Variants in N4BP2L1 observed in about 807,000 individuals in gnomAD.
N4BP2L1 encodes the protein NEDD4 binding protein 2 like 1.
N4BP2L1 carries 12 observed loss-of-function variants against 21.2 expected under a neutral mutation model. That is an observed-to-expected ratio of 0.57 (90% CI 0.36 to 0.92). The LOEUF is 0.92. N4BP2L1 is among the 40% of genes least tolerant of loss of function. The probability of loss-of-function intolerance (pLI) is 0.01; values close to 1 mark genes in which losing one functional copy is unlikely to be tolerated. For missense variants in N4BP2L1, 259 were observed against 310.6 expected, an observed-to-expected ratio of 0.83 and a Z score of 1.25; for synonymous variants, 104 against 112.8, an observed-to-expected ratio of 0.92 and a Z score of 0.49.
intron 1 of N4BP2L1, among the ~76,000 whole-genome samples, chr13:32,427,095 T>C (rs2074809497): frequency 6.6e-6 from 1 of 152,088 alleles, no homozygotes; most frequent in South Asian, 2.1e-4. Context: ...CCTAGCAAGG[T>C]GGCCACAGGC....
At chr13:32,413,178 G>A (rs1258282390) in intron 1 of N4BP2L1, among the ~76,000 whole-genome samples, 1 of 152,048 alleles carries the variant, frequency 6.6e-6, no homozygotes, top group Non-Finnish European at 1.5e-5. Context: ...CACCTGCCTC[G>A]GCCTCCCAAA....
intron 3 of N4BP2L1, among the ~76,000 whole-genome samples, chr13:32,405,989 A>C (rs12858735): frequency 1.6e-5 from 2 of 122,710 alleles, no homozygotes; most frequent in East Asian, 2.4e-4. Flanking sequence ...TGCAAGCTCC[A>C]CCTCCCGGGT....
At chr13:32,407,848 C>A in intron 1 of N4BP2L1, 76 bp from the exon 2 acceptor site, 1 of 1,463,126 alleles carries the variant, frequency 6.8e-7, no homozygotes, top group Non-Finnish European at 9.2e-7. Flanking sequence ...CTCCTTCCAT[C>A]TCTAACATTT....
intron 1 of N4BP2L1, among the ~76,000 whole-genome samples, chr13:32,421,156 G>GTACA (rs1453532956): frequency 2.0e-5 from 3 of 152,216 alleles, no homozygotes; most frequent in Non-Finnish European, 4.4e-5. Context: ...GGCCTGTGAT[G>GTACA]TGCCTGGCCT....
chr13:32,414,296 TTAAC>T (rs1158501919), intron 1 of N4BP2L1, among the ~76,000 whole-genome samples: 1 of 152,222 alleles, frequency 6.6e-6, no homozygotes, highest in Non-Finnish European at 1.5e-5. Flanking sequence ...AACATAATGC[TTAAC>T]TAATAATTTA....
chr13:32,402,278 C>T lies in N4BP2L1; in HGVS notation c.*664G>A. 2 of 676,778 alleles carry T rather than the reference C, an allele frequency of 3.0e-6. No homozygotes were observed. Among genetic ancestry groups the T allele is most frequent in the African/African-American group, 2.0e-5 (1 of 50,852 alleles). The allele number at this position is 676,778 out of a possible 1,614,324, so 41.9% of individuals were successfully genotyped here. ...CAAGGCGTGACTTTAAATAATGACA[C>T]TGATTTCCCTCAGTAGCTCCTGTAG... On this transcript the variant is annotated 3_prime_UTR_variant, in exon 5 of 5. Transcript: ENST00000380130.
At position 32,427,887 on chromosome 13, in the gene N4BP2L1, C is replaced by T; in HGVS notation, c.179+17G>A. On this transcript the variant is annotated intron_variant, in intron 1 of 4. Coordinates refer to ENST00000380130, the MANE Select transcript of N4BP2L1 (RefSeq NM_052818.3). ...GGCCCCGGGCCCGTGCACCGGCGCC[C>T]AGACCGCTGTCATTACCTGGCCAGT... The T allele has an allele frequency of 6.9e-7, 1 of 1,454,420 alleles. No homozygotes were observed. The allele number at this position is 1,454,420 out of a possible 1,614,324, so 90.1% of individuals were successfully genotyped here.
At chr13:32,417,879 G>A (rs58474219) in intron 1 of N4BP2L1, among the ~76,000 whole-genome samples, 9,918 of 152,200 alleles carry the variant, frequency 0.065, 1,055 homozygotes, top group African/African-American at 0.22. Context: ...ATCCACATGT[G>A]GAACTTTGAA....
At position 32,407,666 on chromosome 13, in the gene N4BP2L1, G is replaced by C. The variant is rs768095568; in HGVS notation, c.286C>G (p.His96Asp). The change falls in exon 2 of 5, where the codon CAT (histidine) becomes GAT (aspartate). Residue 96 changes from histidine (H) to aspartate (D), a missense_variant. Around this residue, in one of 3 missense-constraint regions of N4BP2L1, gnomAD observed 91 missense variants for 148.1 expected, o/e 0.61. Coordinates refer to ENST00000380130, the MANE Select transcript of N4BP2L1 (RefSeq NM_052818.3). ...EFNPDFLEEA[H>D]EWNQKRARKA... Reference sequence around the variant, plus strand: ...TCACCTCTTTTTTGGTTCCATTCATGAGCTTCCTCCAGGAAGTCAGGATTG... The same window carrying C: ...TCACCTCTTTTTTGGTTCCATTCATCAGCTTCCTCCAGGAAGTCAGGATTG... The C allele has an allele frequency of 6.2e-7, 1 of 1,613,784 alleles. No homozygotes were observed. Among genetic ancestry groups the C allele is most frequent in the Non-Finnish European group, 8.5e-7 (1 of 1,180,010 alleles).
chr13:32,412,044 T>C (rs1459786508), intron 1 of N4BP2L1: 1 of 152,280 alleles, frequency 6.6e-6, no homozygotes, highest in African/African-American at 2.4e-5. Context: ...GTCTCATCAG[T>C]GTTTTCCTCC....
chr13:32,429,313 C>T (rs1462100147), upstream of N4BP2L1, among the ~76,000 whole-genome samples: 2 of 152,220 alleles, frequency 1.3e-5, no homozygotes, highest in African/African-American at 4.8e-5. Flanking sequence ...GCTGCTCTCC[C>T]TTGAAAATCC....
At chr13:32,422,081 T>C (rs905303799) in intron 1 of N4BP2L1, among the ~76,000 whole-genome samples, 12 of 152,332 alleles carry the variant, frequency 7.9e-5, no homozygotes, top group Admixed American at 7.8e-4. Context: ...TGGAAACGTA[T>C]TTAAAAATCT....
chr13:32,403,206 T>C lies in N4BP2L1; in HGVS notation c.474-6A>G, dbSNP rs745535831. On this transcript the variant is annotated splice_polypyrimidine_tract_variant and splice_region_variant and intron_variant, in intron 4 of 4. Coordinates refer to ENST00000380130, the MANE Select transcript of N4BP2L1 (RefSeq NM_052818.3). ...AGACACCATGAATGTTTCTTCTACA[T>C]GGAAAAAAAATGCATTTAGTTAAGG... The C allele has an allele frequency of 2.5e-6, 4 of 1,580,214 alleles. No homozygotes were observed. The South Asian group carries it at 3.5e-5, about 14-fold the overall frequency.
chr13:32,405,281 G>A (rs1019905482), intron 3 of N4BP2L1, among the ~76,000 whole-genome samples: 14 of 152,078 alleles, frequency 9.2e-5, no homozygotes, highest in East Asian at 3.9e-4. Flanking sequence ...AGGCCGAGGC[G>A]GGTGAATCAC....
At chr13:32,403,470 C>G (rs936189914) in intron 4 of N4BP2L1, among the ~76,000 whole-genome samples, 2 of 152,118 alleles carry the variant, frequency 1.3e-5, no homozygotes, top group Middle Eastern at 3.2e-3. Flanking sequence ...TTACGTGCTT[C>G]AAGACATAAA....
At chr13:32,426,111 G>T (rs538986051) in intron 1 of N4BP2L1, among the ~76,000 whole-genome samples, 1 of 152,306 alleles carries the variant, frequency 6.6e-6, no homozygotes, top group East Asian at 1.9e-4. Flanking sequence ...CTTCACAGAT[G>T]AGGAATGTGA....
chr13:32,428,929 C>G (rs1246798576), upstream of N4BP2L1, among the ~76,000 whole-genome samples: 1 of 152,346 alleles, frequency 6.6e-6, no homozygotes, highest in African/African-American at 2.4e-5. Context: ...ATTGGTTGAT[C>G]ACCACAGTGA....
intron 1 of N4BP2L1, among the ~76,000 whole-genome samples, chr13:32,426,757 T>C (rs868391557): frequency 6.6e-6 from 1 of 152,176 alleles, no homozygotes; most frequent in Admixed American, 6.5e-5. Context: ...AGCTACTACG[T>C]GCCAGACAAT....
At chr13:32,423,069 C>G (rs944272916) in intron 1 of N4BP2L1, among the ~76,000 whole-genome samples, 1 of 152,206 alleles carries the variant, frequency 6.6e-6, no homozygotes, top group Non-Finnish European at 1.5e-5. Context: ...CTACTCACTA[C>G]TTAGCCAACT....
Sources: gnomAD v4.1 joint callset for allele counts (sites outside exome capture counted in the v4.1 genomes callset) on GRCh38, gnomAD v4.1.1 for gene constraint, gnomAD v4.1.1 regional missense constraint, MANE v1.5 for transcripts, NCBI Gene and HGNC (gene_info 2026-07-23, HGNC 2026-07-21) for gene names.